Variants in ZFHX3 observed in about 807,000 individuals in gnomAD.
ZFHX3 encodes the protein zinc finger homeobox protein 3.
ZFHX3 carries 42 observed loss-of-function variants against 279.1 expected under a neutral mutation model. The ratio of observed to expected loss-of-function variants is 0.15; its 90% CI spans 0.12 to 0.19. The LOEUF (loss-of-function observed/expected upper bound fraction) is 0.19, where lower values mean the gene tolerates loss of function less well. Ranked by LOEUF, ZFHX3 falls within the 10% of genes least tolerant of loss-of-function variation. The pLI, the probability that ZFHX3 is intolerant of heterozygous loss-of-function variation, is 1.00. For synonymous variants in ZFHX3, 2,293 were observed against 1,957.8 expected, an observed-to-expected ratio of 1.17 and a Z score of -4.52; for missense variants, 4,981 against 4,754.0, an observed-to-expected ratio of 1.05 and a Z score of -1.40.
chr16:73,615,682 C>G (rs1384983458), intron 2 of ZFHX3, among the ~76,000 whole-genome samples: 3 of 152,190 alleles, frequency 2.0e-5, no homozygotes, highest in South Asian at 4.1e-4. Context: ...CAACTCACAA[C>G]TAAATCCAGG....
In ZFHX3 at chr16:72,784,635, C is replaced by G. The variant is rs2035276623; in HGVS notation, c.*2529G>C. 2 of 152,180 alleles carry G rather than the reference C, an allele frequency of 1.3e-5. No homozygotes were observed. The highest frequency in any genetic ancestry group is 4.2e-4 in the South Asian group (2 of 4,802). The allele number at this position is 152,180 out of a possible 1,614,324, so 9.4% of individuals were successfully genotyped here. A position where few individuals can be genotyped will look rare whatever the true frequency, so the allele number is the denominator to read the frequency against. The stretch of plus-strand genomic sequence containing the variant: ...AACTTTAAAATTTAAAAATGTTCAT[C>G]TCAAACACAGGAAGAAATACAAGAT... On this transcript the variant is annotated 3_prime_UTR_variant, in exon 10 of 10. Coordinates refer to ENST00000268489, the MANE Select transcript of ZFHX3 (RefSeq NM_006885.4).
At chr16:73,144,184 G>C (rs1057287503) in intron 5 of ZFHX3, 29 of 185,382 alleles carry the variant, frequency 1.6e-4, no homozygotes, top group African/African-American at 6.7e-4. Context: ...TTGGTAGCGG[G>C]ATCAGGACAA....
intron 1 of ZFHX3, among the ~76,000 whole-genome samples, chr16:73,845,459 T>C (rs1337302232): frequency 6.6e-6 from 1 of 152,116 alleles, no homozygotes. Context: ...TAAAGAGATT[T>C]GTGTCCAGTT....
intron 1 of ZFHX3, among the ~76,000 whole-genome samples, chr16:73,773,442 T>C (rs535203873): frequency 6.6e-6 from 1 of 152,332 alleles, no homozygotes; most frequent in African/African-American, 2.4e-5. Context: ...AACACACACT[T>C]ACTGAGCTCC....
At chr16:73,694,511 T>C (rs903494917) in intron 1 of ZFHX3, among the ~76,000 whole-genome samples, 12 of 151,926 alleles carry the variant, frequency 7.9e-5, no homozygotes, top group Non-Finnish European at 1.5e-4. Context: ...GCCTGGCTAA[T>C]TTTTGTATTT....
intron 3 of ZFHX3, among the ~76,000 whole-genome samples, chr16:73,396,185 C>T (rs922663417): frequency 2.6e-5 from 4 of 152,152 alleles, no homozygotes; most frequent in Non-Finnish European, 5.9e-5. Context: ...CATCTTTCTC[C>T]ACTCCTTTCT....
At chr16:73,205,690 G>A (rs919037399) in intron 5 of ZFHX3, among the ~76,000 whole-genome samples, 7 of 152,062 alleles carry the variant, frequency 4.6e-5, no homozygotes, top group African/African-American at 1.7e-4. Context: ...TGCTCATTTT[G>A]GCTTTCAATT....
chr16:73,526,876 C>T (rs1464139083), intron 2 of ZFHX3, among the ~76,000 whole-genome samples: 1 of 151,756 alleles, frequency 6.6e-6, no homozygotes, highest in Admixed American at 6.6e-5. Flanking sequence ...ATACCCTCTA[C>T]TTCTTATCTA....
intron 1 of ZFHX3, among the ~76,000 whole-genome samples, chr16:73,737,387 A>G (rs1340598470): frequency 1.3e-5 from 2 of 152,164 alleles, no homozygotes. Context: ...AAAACAGAAC[A>G]AGGAAAAACA....
intron 5 of ZFHX3, among the ~76,000 whole-genome samples, chr16:73,168,270 T>TCTTTCTTC (rs1967439394): frequency 1.3e-5 from 2 of 150,702 alleles, no homozygotes; most frequent in African/African-American, 4.9e-5. Context: ...TTTCTTTCTT[T>TCTTTCTTC]CTTTCTTTCG....
At chr16:73,158,225 T>C (rs1050356709) in intron 5 of ZFHX3, among the ~76,000 whole-genome samples, 3 of 152,148 alleles carry the variant, frequency 2.0e-5, no homozygotes, top group East Asian at 1.9e-4. Flanking sequence ...CCTGGACACA[T>C]ACCATGAGTA....
chr16:73,566,323 A>T (rs542682702), intron 2 of ZFHX3, among the ~76,000 whole-genome samples: 8 of 152,368 alleles, frequency 5.3e-5, no homozygotes, highest in African/African-American at 1.9e-4. Context: ...TTCTGGCTGT[A>T]TGAGTTTCCC....
intron 7 of ZFHX3, among the ~76,000 whole-genome samples, chr16:73,113,513 C>T (rs1323675762): frequency 1.3e-5 from 2 of 152,164 alleles, no homozygotes; most frequent in South Asian, 2.1e-4. Flanking sequence ...AGGCATCCTT[C>T]GAGGCCTTGC....
At chr16:73,458,889 C>T (rs540081082) in intron 2 of ZFHX3, among the ~76,000 whole-genome samples, 1 of 152,276 alleles carries the variant, frequency 6.6e-6, no homozygotes, top group African/African-American at 2.4e-5. Context: ...AACCTCCGTA[C>T]GATGACATGG....
chr16:73,883,311 G>A (rs768118186), intron 1 of ZFHX3, among the ~76,000 whole-genome samples: 14 of 152,052 alleles, frequency 9.2e-5, no homozygotes, highest in African/African-American at 2.4e-4. Flanking sequence ...GGAATTTGAC[G>A]TCTGGCAGCC....
chr16:73,530,316 C>T lies in ZFHX3; in HGVS notation c.-1546-74058G>A, dbSNP rs570379475. Among the ~76,000 whole-genome samples, 26 of 152,274 alleles carry T rather than the reference C, an allele frequency of 1.7e-4. No homozygotes were observed. The South Asian group carries it at 5.2e-3, about 30-fold the overall frequency. ...TCTGTCCCACAAAAATTGGGAATTA[C>T]AGAAGCTACAGCTCAAGATGAGATT... On this transcript the variant is annotated intron_variant, in intron 2 of 17. Coordinates refer to the ZFHX3 transcript ENST00000641206.
At chr16:73,863,352 G>A (rs1048540022) in intron 1 of ZFHX3, among the ~76,000 whole-genome samples, 1 of 152,298 alleles carries the variant, frequency 6.6e-6, no homozygotes, top group East Asian at 1.9e-4. Context: ...GACCCAGATG[G>A]AGGGTGATCC....
At chr16:73,372,496 G>A (rs2016648425) in intron 3 of ZFHX3, among the ~76,000 whole-genome samples, 1 of 152,146 alleles carries the variant, frequency 6.6e-6, no homozygotes, top group Non-Finnish European at 1.5e-5. Flanking sequence ...TTATACTCAA[G>A]TAATTATTTG....
chr16:73,844,101 G>A (rs1961384218), intron 1 of ZFHX3, among the ~76,000 whole-genome samples: 1 of 152,288 alleles, frequency 6.6e-6, no homozygotes, highest in East Asian at 1.9e-4. Flanking sequence ...GCAGTTCTAA[G>A]CGACTATACT....
Sources: allele counts gnomAD v4.1 joint callset (sites outside exome capture counted in the v4.1 genomes callset), GRCh38; gene constraint gnomAD v4.1.1; transcripts MANE v1.5; gene names NCBI Gene and HGNC (gene_info 2026-07-23, HGNC 2026-07-21).